The following PDCD7 variants were observed in gnomAD, a reference collection of about 807,000 sequenced individuals.
PDCD7 encodes programmed cell death protein 7.
Under a neutral mutation model 42.1 loss-of-function variants are expected in PDCD7, and 40 were observed. The observed-to-expected ratio is 0.95, with a 90% CI of 0.74 to 1.24. The LOEUF is 1.24. Ranked by LOEUF, PDCD7 falls within the 50% of genes most tolerant of loss-of-function variation. The pLI, the probability that PDCD7 is intolerant of heterozygous loss-of-function variation, is 0.00. For missense variants in PDCD7, 644 were observed against 662.8 expected, an observed-to-expected ratio of 0.97 and a Z score of 0.31; for synonymous variants, 299 against 303.3, an observed-to-expected ratio of 0.99 and a Z score of 0.15.
chr15:65,130,316 C>T (rs1595929085), intron 1 of PDCD7, among the ~76,000 whole-genome samples: 1 of 151,650 alleles, frequency 6.6e-6, no homozygotes, highest in Admixed American at 6.6e-5. Flanking sequence ...GCCACCATGC[C>T]CAGCTAATTT....
rs755001410 is a variant in PDCD7, at chr15:65,119,483, T to C, written c.1247-20A>G. On this transcript the variant is annotated intron_variant, in intron 3 of 4. Coordinates refer to ENST00000204549, the MANE Select transcript of PDCD7 (RefSeq NM_005707.2). ...ACTCATCTGAAAGAGAAAAGCACAA[T>C]ACCACGTTATCATGCTTGATATCCA... 2 of 1,541,906 alleles carry C rather than the reference T, an allele frequency of 1.3e-6. No homozygotes were observed. The highest frequency in any genetic ancestry group is 1.8e-6 in the Non-Finnish European group (2 of 1,114,472).
At chr15:65,118,993 T>G (rs2087430005) in intron 4 of PDCD7, 153 bp from the exon 5 acceptor site, 1 of 523,944 alleles carries the variant, frequency 1.9e-6, no homozygotes, top group African/African-American at 2.0e-5. Flanking sequence ...ATGACTATAT[T>G]TCTTAAATGT....
At chr15:65,124,872 A>C (rs1226137978) in intron 2 of PDCD7, among the ~76,000 whole-genome samples, 1 of 152,194 alleles carries the variant, frequency 6.6e-6, no homozygotes, top group Non-Finnish European at 1.5e-5. Context: ...TGTCAGCTAC[A>C]GTACTACTGG....
rs551096398 is a variant in PDCD7 at position 65,119,453 on chromosome 15, T to C, written c.1257A>G (p.Pro419=). The stretch of plus-strand genomic sequence containing the variant: ...GGAAAGGCTCCAAGAGGTGAGCAAG[T>C]GGGAACTCATCTGAAAGAGAAAAGC... The part of the protein sequence containing the change: ...SKLFGDPDEF[P]LAHLLEPFRQ... The change falls in exon 4 of 5, where the codon CCA becomes CCG. Residue 419 remains proline, a synonymous_variant. Transcript: ENST00000204549. The C allele has an allele frequency of 3.1e-6, 5 of 1,612,282 alleles. No individual in the cohort carries two copies. In the South Asian group the frequency reaches 3.3e-5, roughly 11 times the overall value.
At chr15:65,128,953 CT>C (rs1331367834) in intron 2 of PDCD7, 78 bp downstream of exon 2, 1 of 1,496,330 alleles carries the variant, frequency 6.7e-7, no homozygotes, top group African/African-American at 1.4e-5. Flanking sequence ...GTATTTTTCC[CT>C]CAATAATATT....
chr15:65,132,603 A>G (rs1434675780), intron 1 of PDCD7, among the ~76,000 whole-genome samples: 2 of 152,152 alleles, frequency 1.3e-5, no homozygotes, highest in East Asian at 3.9e-4. Context: ...AAGGAACTAG[A>G]CACTTACTGG....
intron 2 of PDCD7, among the ~76,000 whole-genome samples, chr15:65,122,164 A>G (rs888392859): frequency 1.6e-4 from 24 of 151,796 alleles, no homozygotes; most frequent in African/African-American, 5.1e-4. Flanking sequence ...GTGAAACCCC[A>G]TATCCACTAA....
At chr15:65,131,217 C>T (rs554339459) in intron 1 of PDCD7, among the ~76,000 whole-genome samples, 11 of 152,266 alleles carry the variant, frequency 7.2e-5, no homozygotes, top group African/African-American at 2.6e-4. Context: ...AAGTGAACTG[C>T]GCATGGAAGG....
chr15:65,132,391 A>C (rs2087547838), intron 1 of PDCD7, among the ~76,000 whole-genome samples: 1 of 151,078 alleles, frequency 6.6e-6, no homozygotes, highest in South Asian at 2.1e-4. Context: ...AGCTGGGATT[A>C]CAGGCGCCCG....
chr15:65,132,767 TG>T, intron 1 of PDCD7, 144 bp downstream of exon 1: 1 of 1,194,802 alleles, frequency 8.4e-7, no homozygotes, highest in Non-Finnish European at 1.2e-6. Flanking sequence ...ATTAACATGG[TG>T]GTATGAGCTG....
intron 2 of PDCD7, among the ~76,000 whole-genome samples, chr15:65,120,490 C>A (rs936685952): frequency 6.6e-6 from 1 of 152,066 alleles, no homozygotes. Context: ...TGAGGTCTCA[C>A]GAGGTCAGGA....
intron 4 of PDCD7, 25 bp from the exon 5 acceptor site, chr15:65,118,865 CTATT>C: frequency 3.3e-6 from 5 of 1,495,954 alleles, no homozygotes; most frequent in South Asian, 1.4e-5. Flanking sequence ...TATAGAACAA[CTATT>C]TATTTCTGTT....
Position 65,129,057 on chromosome 15 carries a change from C to T in PDCD7, c.984G>A (p.Leu328=). 1.2e-6 allele frequency: 2 copies of T among 1,614,106 alleles called. No homozygotes were observed. Among genetic ancestry groups the T allele is most frequent in the Non-Finnish European group, 1.7e-6 (2 of 1,179,972 alleles). Residue 328 remains leucine, a synonymous_variant, in exon 2 of 5, where the codon CTG becomes CTA. Coordinates refer to ENST00000204549, the MANE Select transcript of PDCD7 (RefSeq NM_005707.2). ...ILRALEKLRK[L]RKEAAARKGV... is the part of the protein sequence containing the mutation. ...CTTTCCTCGCTGCAGCCTCTTTCCT[C>T]AGTTTCCTCAATTTCTCCAAAGCCC...
chr15:65,127,983 C>A (rs12438475), intron 2 of PDCD7, among the ~76,000 whole-genome samples: 10 of 152,154 alleles, frequency 6.6e-5, no homozygotes, highest in Non-Finnish European at 1.0e-4. Context: ...TTTCTGAGGT[C>A]TGGATGTGAA....
chr15:65,131,869 T>C (rs748320016), intron 1 of PDCD7, among the ~76,000 whole-genome samples: 2 of 152,024 alleles, frequency 1.3e-5, no homozygotes, highest in Non-Finnish European at 2.9e-5. Flanking sequence ...TGGGATCAAA[T>C]ATGGGAAACT....
chr15:65,118,630 G>C lies in PDCD7; in HGVS notation c.*87C>G. 1 of 1,378,940 alleles carries C rather than the reference G, an allele frequency of 7.3e-7. No homozygotes were observed. The allele number at this position is 1,378,940 out of a possible 1,614,324, so 85.4% of individuals were successfully genotyped here. ...TGCCACATGGAATTTAGAAGTTGCAGTTTAGTCTACAGCAAAAGATGGCAC... is the reference window on the plus strand; with the variant it reads ...TGCCACATGGAATTTAGAAGTTGCACTTTAGTCTACAGCAAAAGATGGCAC... On this transcript the variant is annotated 3_prime_UTR_variant, in exon 5 of 5. Coordinates refer to ENST00000204549, the MANE Select transcript of PDCD7 (RefSeq NM_005707.2).
rs2087563616 is a variant in PDCD7 at position 65,133,659 on chromosome 15, G to A, written c.123C>T (p.Leu41=). Residue 41 remains leucine, a synonymous_variant, in exon 1 of 5, where the codon CTC becomes CTT. Transcript: ENST00000204549. Reference sequence around the variant, plus strand: ...CCGGAAAAGGGCCGGGCCGCTGGGGGAGAGGCGGCGGGAAAGCCGGGGAGG... The same window carrying A: ...CCGGAAAAGGGCCGGGCCGCTGGGGAAGAGGCGGCGGGAAAGCCGGGGAGG... ...PLPSPAFPPP[L]PQRPGPFPGA... 8 of 1,265,034 alleles carry A rather than the reference G, an allele frequency of 6.3e-6. No homozygotes were observed. Among genetic ancestry groups the A allele is most frequent in the African/African-American group, 1.5e-5 (1 of 64,772 alleles). 78.4% of individuals were successfully genotyped at this position (1,265,034 alleles called of 1,614,324 possible).
In PDCD7 at chr15:65,132,901, G is replaced by A. The variant is rs2087553027; in HGVS notation, c.870+11C>T. Reference sequence around the variant, plus strand: ...ACCACTCCTACCCCCATGAGCGGCCGCTGCTCTCACCCGCTTCTTCTCCTC... The same window carrying A: ...ACCACTCCTACCCCCATGAGCGGCCACTGCTCTCACCCGCTTCTTCTCCTC... On this transcript the variant is annotated intron_variant, in intron 1 of 4. Coordinates refer to ENST00000204549, the MANE Select transcript of PDCD7 (RefSeq NM_005707.2). 6 of 1,601,648 alleles carry A rather than the reference G, an allele frequency of 3.7e-6. No homozygotes were observed. Among genetic ancestry groups the A allele is most frequent in the South Asian group, 1.1e-5 (1 of 91,042 alleles).
In PDCD7 at chr15:65,118,552, A is replaced by AC. The variant is rs1176179340; in HGVS notation, c.*164dup. 1.7e-6 allele frequency: 1 copy of AC among 586,874 alleles called. No individual in the cohort carries two copies. Among genetic ancestry groups the AC allele is most frequent in the Non-Finnish European group, 2.6e-6 (1 of 382,934 alleles). The allele number at this position is 586,874 out of a possible 1,614,324, so 36.4% of individuals were successfully genotyped here. On this transcript the variant is annotated 3_prime_UTR_variant, in exon 5 of 5. Coordinates refer to ENST00000204549, the MANE Select transcript of PDCD7 (RefSeq NM_005707.2). Reference sequence around the variant, plus strand: ...ACCACATTAATCTGATTCAAGAGGCACCTCTGGCCAGCACAGAGCACAGAA... The same window carrying AC: ...ACCACATTAATCTGATTCAAGAGGCACCCTCTGGCCAGCACAGAGCACAGAA...
Sources: gnomAD v4.1 joint callset for allele counts (sites outside exome capture counted in the v4.1 genomes callset) on GRCh38, gnomAD v4.1.1 for gene constraint, MANE v1.5 for transcripts, NCBI Gene and HGNC (gene_info 2026-07-23, HGNC 2026-07-21) for gene names.